UNC5C: variants seen among roughly 807,000 people sequenced by gnomAD.
The protein encoded by UNC5C is netrin receptor UNC5C.
Under a neutral mutation model 99.8 loss-of-function variants are expected in UNC5C, and 47 were observed. The ratio of observed to expected loss-of-function variants is 0.47; its 90% CI spans 0.37 to 0.60. The LOEUF (loss-of-function observed/expected upper bound fraction) is 0.60, where lower values mean the gene tolerates loss of function less well. Among genes scored for constraint, UNC5C ranks in the 20% least tolerant of loss-of-function variants. The pLI is 0.00. For missense variants in UNC5C, 1,062 were observed against 1,165.9 expected, an observed-to-expected ratio of 0.91 and a Z score of 1.30; for synonymous variants, 487 against 452.2, an observed-to-expected ratio of 1.08 and a Z score of -0.98.
chr4:95,329,102 G>A (rs1293516715), intron 2 of UNC5C, among the ~76,000 whole-genome samples: 1 of 151,984 alleles, frequency 6.6e-6, no homozygotes, highest in African/African-American at 2.4e-5. Context: ...GACCAGCCTG[G>A]GCAACATAGC....
intron 2 of UNC5C, among the ~76,000 whole-genome samples, chr4:95,318,082 G>A (rs1742546696): frequency 6.6e-6 from 1 of 152,152 alleles, no homozygotes; most frequent in Admixed American, 6.5e-5. Flanking sequence ...GGACAGCAGA[G>A]GGGAAAATAC....
intron 3 of UNC5C, among the ~76,000 whole-genome samples, chr4:95,299,582 T>C (rs1311219181): frequency 6.6e-6 from 1 of 152,170 alleles, no homozygotes; most frequent in East Asian, 1.9e-4. Flanking sequence ...TTGGGTAATT[T>C]ATAAAGGAAA....
At chr4:95,442,295 T>C (rs1398763382) in intron 1 of UNC5C, among the ~76,000 whole-genome samples, 3 of 151,678 alleles carry the variant, frequency 2.0e-5, no homozygotes, top group Non-Finnish European at 4.4e-5. Flanking sequence ...CTTGAATTCC[T>C]GGGCTCAAGT....
intron 4 of UNC5C, among the ~76,000 whole-genome samples, chr4:95,257,099 A>T (rs1357358163): frequency 6.6e-6 from 1 of 152,084 alleles, no homozygotes; most frequent in African/African-American, 2.4e-5. Flanking sequence ...TGTATCTTTC[A>T]ATCCAATCAA....
chr4:95,536,075 TA>T (rs1267239351), intron 1 of UNC5C, among the ~76,000 whole-genome samples: 22 of 115,356 alleles, frequency 1.9e-4, no homozygotes, highest in African/African-American at 5.2e-4. Context: ...TATATATATA[TA>T]TATATATTTT....
intron 12 of UNC5C, among the ~76,000 whole-genome samples, chr4:95,200,632 G>A (rs1345845241): frequency 6.6e-6 from 1 of 152,160 alleles, no homozygotes; most frequent in African/African-American, 2.4e-5. Flanking sequence ...CAGTCATCTT[G>A]ATTATTTTTA....
At chr4:95,384,089 C>T (rs28408138) in intron 1 of UNC5C, among the ~76,000 whole-genome samples, 2 of 152,108 alleles carry the variant, frequency 1.3e-5, no homozygotes, top group African/African-American at 4.8e-5. Context: ...ATGATTTACT[C>T]TAAGATAAAG....
chr4:95,460,031 C>T (rs1186912002), intron 1 of UNC5C, among the ~76,000 whole-genome samples: 3 of 151,932 alleles, frequency 2.0e-5, no homozygotes, highest in Admixed American at 1.3e-4. Context: ...AATTCAGATT[C>T]CAGTTATTTC....
intron 1 of UNC5C, among the ~76,000 whole-genome samples, chr4:95,422,077 G>A (rs1305310370): frequency 6.6e-6 from 1 of 152,190 alleles, no homozygotes; most frequent in Non-Finnish European, 1.5e-5. Flanking sequence ...AAAAAGAGAA[G>A]TTCAAGACCT....
At chr4:95,255,090 G>A (rs973122083) in intron 4 of UNC5C, among the ~76,000 whole-genome samples, 1 of 151,692 alleles carries the variant, frequency 6.6e-6, no homozygotes, top group African/African-American at 2.4e-5. Flanking sequence ...AGCGATTCCT[G>A]TGCCTTAGCC....
intron 12 of UNC5C, among the ~76,000 whole-genome samples, chr4:95,187,964 C>G (rs1399199995): frequency 1.3e-5 from 2 of 152,148 alleles, no homozygotes; most frequent in African/African-American, 4.8e-5. Flanking sequence ...CCAGAATAGT[C>G]TACCAGTCAA....
At chr4:95,210,271 G>A (rs1440161811) in intron 10 of UNC5C, among the ~76,000 whole-genome samples, 2 of 152,176 alleles carry the variant, frequency 1.3e-5, no homozygotes, top group Non-Finnish European at 2.9e-5. Context: ...TAGGGAAGTG[G>A]TGAAGTGGAA....
At chr4:95,353,945 G>C (rs540449914) in intron 1 of UNC5C, among the ~76,000 whole-genome samples, 1 of 152,028 alleles carries the variant, frequency 6.6e-6, no homozygotes, top group East Asian at 1.9e-4. Context: ...CACATGAAAA[G>C]TACAGAAGTC....
At chr4:95,173,049 A>G (rs888555061) in intron 14 of UNC5C, among the ~76,000 whole-genome samples, 14 of 151,876 alleles carry the variant, frequency 9.2e-5, no homozygotes, top group East Asian at 5.8e-4. Context: ...TTTGTCTGTT[A>G]TTGGTGTATA....
rs560185342 is a variant in UNC5C, at chr4:95,241,003, C to T, written c.1108+1426G>A. Among the ~76,000 whole-genome samples the T allele has an allele frequency of 3.3e-3, 502 of 152,104 alleles. 2 individuals are homozygous for T. The highest frequency in any genetic ancestry group is 5.3e-3 in the Non-Finnish European group (362 of 67,994). ...AAATAGTACATTGAGAGAGAAAGAA[C>T]GTGAAAGGCAGAAAGATAGAAAAAG... On this transcript the variant is annotated intron_variant, in intron 7 of 15. Coordinates refer to ENST00000453304, the MANE Select transcript of UNC5C (RefSeq NM_003728.4).
chr4:95,257,560 C>T (rs1242298224), intron 4 of UNC5C, among the ~76,000 whole-genome samples: 3 of 152,170 alleles, frequency 2.0e-5, no homozygotes, highest in Non-Finnish European at 4.4e-5. Flanking sequence ...TCTTCCATTT[C>T]TGGCTTAAGG....
intron 4 of UNC5C, among the ~76,000 whole-genome samples, chr4:95,264,634 G>A (rs1424773101): frequency 6.6e-6 from 1 of 152,018 alleles, no homozygotes; most frequent in Non-Finnish European, 1.5e-5. Flanking sequence ...TCCCTTAGTG[G>A]CTAAACTCCT....
At chr4:95,387,523 C>G (rs1396993634) in intron 1 of UNC5C, among the ~76,000 whole-genome samples, 3 of 152,174 alleles carry the variant, frequency 2.0e-5, no homozygotes, top group African/African-American at 7.2e-5. Context: ...TTTTGAGTCA[C>G]TTTCTGCCCT....
intron 14 of UNC5C, among the ~76,000 whole-genome samples, chr4:95,171,255 T>TAAG (rs1416385699): frequency 6.6e-6 from 1 of 152,078 alleles, no homozygotes; most frequent in Non-Finnish European, 1.5e-5. Flanking sequence ...TATTATACTT[T>TAAG]AAGTTTTAGG....
Sources: gnomAD v4.1 joint callset for allele counts (sites outside exome capture counted in the v4.1 genomes callset) on GRCh38, gnomAD v4.1.1 for gene constraint, MANE v1.5 for transcripts, NCBI Gene and HGNC (gene_info 2026-07-23, HGNC 2026-07-21) for gene names.